The following UNC5C variants were observed in gnomAD, a reference collection of about 807,000 sequenced individuals.
UNC5C encodes netrin receptor UNC5C.
A neutral mutation model predicts 99.8 loss-of-function variants in UNC5C; 47 were observed. The observed-to-expected ratio is 0.47, with a 90% CI of 0.37 to 0.60. UNC5C has a LOEUF of 0.60. UNC5C is among the 20% of genes least tolerant of loss of function. The pLI is 0.00. For synonymous variants in UNC5C, 487 were observed against 452.2 expected (o/e 1.08, Z -0.98); for missense variants, 1,062 against 1,165.9 (o/e 0.91, Z 1.30).
chr4:95,215,737 A>G (rs1738223948), intron 10 of UNC5C, among the ~76,000 whole-genome samples: 1 of 152,156 alleles, frequency 6.6e-6, no homozygotes, highest in South Asian at 2.1e-4. Context: ...GGAGTTGTCC[A>G]ATCCTTTGTG....
At chr4:95,209,351 A>G (rs1389042559) in intron 10 of UNC5C, among the ~76,000 whole-genome samples, 2 of 152,200 alleles carry the variant, frequency 1.3e-5, no homozygotes, top group African/African-American at 4.8e-5. Context: ...TAGAGCTTCC[A>G]CAGTTGACTA....
chr4:95,191,585 C>T (rs1263945603), intron 12 of UNC5C, among the ~76,000 whole-genome samples: 5 of 151,606 alleles, frequency 3.3e-5, no homozygotes, highest in African/African-American at 1.2e-4. Flanking sequence ...CTCTATTCAC[C>T]TTTCTCCCCT....
At chr4:95,352,447 G>A (rs531017288) in intron 1 of UNC5C, among the ~76,000 whole-genome samples, 2 of 152,132 alleles carry the variant, frequency 1.3e-5, no homozygotes, top group East Asian at 3.9e-4. Flanking sequence ...CTCCAAGAAC[G>A]TTTCCTTCTA....
intron 4 of UNC5C, among the ~76,000 whole-genome samples, chr4:95,251,114 T>G (rs1433185052): frequency 1.3e-5 from 2 of 152,218 alleles, no homozygotes; most frequent in Non-Finnish European, 2.9e-5. Context: ...CAGAAAAGAA[T>G]AGAAAGACTA....
At chr4:95,453,400 A>G (rs533154376) in intron 1 of UNC5C, among the ~76,000 whole-genome samples, 4 of 152,242 alleles carry the variant, frequency 2.6e-5, no homozygotes, top group African/African-American at 7.2e-5. Context: ...TACAATAAGT[A>G]TATTCTGGAG....
At chr4:95,485,115 T>G (rs1413691730) in intron 1 of UNC5C, among the ~76,000 whole-genome samples, 1 of 151,796 alleles carries the variant, frequency 6.6e-6, no homozygotes, top group Non-Finnish European at 1.5e-5. Flanking sequence ...TAATGTAATA[T>G]CTTTTGAAAA....
At chr4:95,178,669 G>A (rs1372496715) in intron 14 of UNC5C, among the ~76,000 whole-genome samples, 1 of 152,206 alleles carries the variant, frequency 6.6e-6, no homozygotes, top group Non-Finnish European at 1.5e-5. Context: ...CCAACTAAAT[G>A]TGGAAGTTAA....
chr4:95,301,155 T>G (rs1377389483), intron 3 of UNC5C, among the ~76,000 whole-genome samples: 1 of 151,272 alleles, frequency 6.6e-6, no homozygotes, highest in Non-Finnish European at 1.5e-5. Flanking sequence ...GAGGAATATG[T>G]GGCTCAAATG....
chr4:95,520,950 G>A (rs1196957653), intron 1 of UNC5C, among the ~76,000 whole-genome samples: 1 of 151,928 alleles, frequency 6.6e-6, no homozygotes, highest in African/African-American at 2.4e-5. Flanking sequence ...TATGTAGCCT[G>A]GGAAAATAAT....
At chr4:95,359,479 C>T (rs546043463) in intron 1 of UNC5C, among the ~76,000 whole-genome samples, 1 of 145,604 alleles carries the variant, frequency 6.9e-6, no homozygotes, top group Admixed American at 6.7e-5. Context: ...GCTACCTATA[C>T]TGTTTCTAAA....
rs1367719699 is a variant in UNC5C at position 95,434,643 on chromosome 4, A to T, written c.125-99012T>A. ...AGCACTTTTCCCTACATGGAGAAAG[A>T]GAGCTAGTAATAATAAGGTGTCAGA... On this transcript the variant is annotated intron_variant, in intron 1 of 15. Coordinates refer to ENST00000453304, the MANE Select transcript of UNC5C (RefSeq NM_003728.4). Among the ~76,000 whole-genome samples the T allele has an allele frequency of 3.3e-5, 5 of 152,108 alleles. No homozygotes were observed. The East Asian group carries it at 9.7e-4, about 29-fold the overall frequency.
At chr4:95,364,772 A>G (rs1744502795) in intron 1 of UNC5C, among the ~76,000 whole-genome samples, 1 of 152,166 alleles carries the variant, frequency 6.6e-6, no homozygotes, top group African/African-American at 2.4e-5. Context: ...AGTGCTTAGT[A>G]TTGATGCCAC....
At chr4:95,435,011 C>T (rs1746736720) in intron 1 of UNC5C, among the ~76,000 whole-genome samples, 2 of 152,028 alleles carry the variant, frequency 1.3e-5, no homozygotes, top group South Asian at 4.1e-4. Context: ...TTTGCATGTC[C>T]CACACTTTCA....
rs534830225 is a variant in UNC5C, at chr4:95,438,096, A to G, written c.125-102465T>C. ...ATATATATTGGCACCATTCTACCAG[A>G]TCAGGATTTTAGGTAAGTCAATCAA... is the stretch of plus-strand genomic sequence containing the variant. On this transcript the variant is annotated intron_variant, in intron 1 of 15. Coordinates refer to ENST00000453304, the MANE Select transcript of UNC5C (RefSeq NM_003728.4). Among the ~76,000 whole-genome samples the G allele has an allele frequency of 3.3e-5, 5 of 152,160 alleles. No homozygotes were observed. The South Asian group carries it at 1.0e-3, about 32-fold the overall frequency.
At chr4:95,353,153 T>C (rs1211237688) in intron 1 of UNC5C, among the ~76,000 whole-genome samples, 1 of 152,164 alleles carries the variant, frequency 6.6e-6, no homozygotes, top group Non-Finnish European at 1.5e-5. Flanking sequence ...TCTTCCCAGA[T>C]AAAACCATTA....
At chr4:95,393,912 A>C (rs1307458928) in intron 1 of UNC5C, among the ~76,000 whole-genome samples, 2 of 151,312 alleles carry the variant, frequency 1.3e-5, no homozygotes, top group Non-Finnish European at 2.9e-5. Context: ...CAAAGCCTAG[A>C]GGACAGTTTT....
intron 1 of UNC5C, among the ~76,000 whole-genome samples, chr4:95,495,676 G>C (rs1424687767): frequency 6.6e-6 from 1 of 151,554 alleles, no homozygotes; most frequent in African/African-American, 2.4e-5. Context: ...AACTGTCCAA[G>C]TTCAAATGGC....
chr4:95,510,428 T>A, intron 1 of UNC5C, among the ~76,000 whole-genome samples: 1 of 148,168 alleles, frequency 6.7e-6, no homozygotes, highest in Admixed American at 6.6e-5. Flanking sequence ...TAATCATTCT[T>A]TTTTTCCTTA....
chr4:95,277,498 T>C (rs1740905548), intron 4 of UNC5C, among the ~76,000 whole-genome samples: 1 of 152,226 alleles, frequency 6.6e-6, no homozygotes, highest in African/African-American at 2.4e-5. Context: ...TGTTAACAAA[T>C]GAAAGACACA....
Sources: gnomAD v4.1 joint callset for allele counts (sites outside exome capture counted in the v4.1 genomes callset) on GRCh38, gnomAD v4.1.1 for gene constraint, MANE v1.5 for transcripts, NCBI Gene and HGNC (gene_info 2026-07-23, HGNC 2026-07-21) for gene names.